The following ZHX3 variants were observed in gnomAD, a reference collection of about 807,000 sequenced individuals.
ZHX3 encodes zinc fingers and homeoboxes protein 3.
Under a neutral mutation model 64.5 loss-of-function variants are expected in ZHX3, and 20 were observed. The ratio of observed to expected loss-of-function variants is 0.31; its 90% CI spans 0.22 to 0.45. The LOEUF (loss-of-function observed/expected upper bound fraction) is 0.45, where lower values mean the gene tolerates loss of function less well. Among genes scored for constraint, ZHX3 ranks in the 20% least tolerant of loss-of-function variants. The probability of loss-of-function intolerance (pLI) is 1.00; values close to 1 mark genes in which losing one functional copy is unlikely to be tolerated. For synonymous variants in ZHX3, 423 were observed against 461.6 expected (o/e 0.92, Z 1.07); for missense variants, 1,041 against 1,195.8 (o/e 0.87, Z 1.91).
At chr20:41,316,468 C>A (rs6102351) in intron 1 of ZHX3, among the ~76,000 whole-genome samples, 3,265 of 152,190 alleles carry the variant, frequency 0.021, 107 homozygotes, top group African/African-American at 0.074. Flanking sequence ...TAAGTTACCA[C>A]AAATAAAGAG....
In ZHX3 at chr20:41,201,218, G is replaced by T; in HGVS notation, c.2860+839C>A. The T allele has an allele frequency of 9.0e-7, 1 of 1,111,310 alleles. No individual in the cohort carries two copies. The highest frequency in any genetic ancestry group is 1.6e-5 in the African/African-American group (1 of 60,706). The allele number at this position is 1,111,310 out of a possible 1,614,324, so 68.8% of individuals were successfully genotyped here. On this transcript the variant is annotated intron_variant, in intron 3 of 3. Transcript: ENST00000683867. The surrounding 1 kb of genome is among the most constrained non-coding windows in gnomAD (Gnocchi z 5.0). Reference sequence around the variant, plus strand: ...CCCTCCCACATTGCCAACTCAGCTAGCAATGCTGCCATTTTGGAACCCCCA... The same window carrying T: ...CCCTCCCACATTGCCAACTCAGCTATCAATGCTGCCATTTTGGAACCCCCA...
chr20:41,307,140 C>T (rs1224326915), intron 1 of ZHX3, among the ~76,000 whole-genome samples: 1 of 152,198 alleles, frequency 6.6e-6, no homozygotes, highest in Non-Finnish European at 1.5e-5. Context: ...GCAGAAAGAG[C>T]CACTCTGGAC....
intron 1 of ZHX3, among the ~76,000 whole-genome samples, chr20:41,270,902 CTCA>C (rs1374085838): frequency 6.6e-6 from 1 of 152,120 alleles, no homozygotes; most frequent in Non-Finnish European, 1.5e-5. Flanking sequence ...TACCTTAAAC[CTCA>C]TCTTTGCTTA....
At chr20:41,197,411 T>G (rs949834811) in intron 3 of ZHX3, among the ~76,000 whole-genome samples, 1 of 147,588 alleles carries the variant, frequency 6.8e-6, no homozygotes, top group African/African-American at 2.5e-5. Context: ...TATATAATTG[T>G]ATATATTTAA....
intron 2 of ZHX3, among the ~76,000 whole-genome samples, chr20:41,246,575 T>G (rs1463545270): frequency 6.6e-6 from 1 of 152,112 alleles, no homozygotes; most frequent in African/African-American, 2.4e-5. Flanking sequence ...TGTATTAGCA[T>G]TAATACTAAT....
At chr20:41,217,331 G>A (rs2039599169) in intron 2 of ZHX3, among the ~76,000 whole-genome samples, 1 of 151,984 alleles carries the variant, frequency 6.6e-6, no homozygotes, top group Non-Finnish European at 1.5e-5. Flanking sequence ...ATTTGACCAT[G>A]AACTTATAAT....
At chr20:41,216,330 G>A (rs958672933) in intron 2 of ZHX3, among the ~76,000 whole-genome samples, 76 of 151,726 alleles carry the variant, frequency 5.0e-4, no homozygotes, top group African/African-American at 1.7e-3. Context: ...TTTCTCTCTC[G>A]GAAAGAAAGA....
rs572162416 is a variant in ZHX3, at chr20:41,183,137, C to T, written c.*2054G>A. The T allele has an allele frequency of 2.0e-5, 3 of 152,208 alleles. No homozygotes were observed. Among genetic ancestry groups the T allele is most frequent in the Non-Finnish European group, 2.9e-5 (2 of 68,032 alleles). 9.4% of individuals were successfully genotyped at this position (152,208 alleles called of 1,614,324 possible). The stretch of plus-strand genomic sequence containing the variant: ...TTCTCAACTGCACACGCCAGATGCG[C>T]GTTTTACGAGAATCAAATGAGTATT... On this transcript the variant is annotated 3_prime_UTR_variant, in exon 4 of 4. Coordinates refer to ENST00000683867, the MANE Select transcript of ZHX3 (RefSeq NM_001384317.1). The surrounding 1 kb of genome is among the most constrained non-coding windows in gnomAD (Gnocchi z 5.3).
At chr20:41,207,064 AAGG>A (rs1276319040) in intron 2 of ZHX3, among the ~76,000 whole-genome samples, 1 of 152,230 alleles carries the variant, frequency 6.6e-6, no homozygotes, top group African/African-American at 2.4e-5. Flanking sequence ...TTCATAAGTG[AAGG>A]AGAAATAAAA....
In ZHX3 at chr20:41,277,692, T is replaced by C. The variant is rs541451217; in HGVS notation, c.-244-8609A>G. 6.5e-4 allele frequency among the ~76,000 whole-genome samples: 98 copies of C among 149,954 alleles called. 1 individual carries two copies. The South Asian group carries it at 0.011, about 17-fold the overall frequency. ...CTGCAAGCTCCGCCTCCCGGGTTCA[T>C]GCCATTCTCCTGCCTCAGCCTCCTG... On this transcript the variant is annotated intron_variant, in intron 1 of 3. Coordinates refer to ENST00000683867, the MANE Select transcript of ZHX3 (RefSeq NM_001384317.1).
At chr20:41,187,971 T>C (rs1488153273) in intron 3 of ZHX3, among the ~76,000 whole-genome samples, 1 of 152,214 alleles carries the variant, frequency 6.6e-6, no homozygotes, top group African/African-American at 2.4e-5. Context: ...ATGTTGTTGC[T>C]AACCATAGTC....
At chr20:41,198,747 A>C (rs2037973873) in intron 3 of ZHX3, among the ~76,000 whole-genome samples, 1 of 151,534 alleles carries the variant, frequency 6.6e-6, no homozygotes, top group Admixed American at 6.6e-5. Context: ...AGATTTGGGA[A>C]ATTTTCTATC....
At chr20:41,258,210 T>A (rs558616240) in intron 2 of ZHX3, among the ~76,000 whole-genome samples, 6 of 152,186 alleles carry the variant, frequency 3.9e-5, no homozygotes, top group Admixed American at 3.3e-4. Context: ...AAGATTTCTT[T>A]TAAAAAATCA....
chr20:41,248,486 A>C (rs2041824293), intron 2 of ZHX3, among the ~76,000 whole-genome samples: 1 of 152,240 alleles, frequency 6.6e-6, no homozygotes, highest in Non-Finnish European at 1.5e-5. Flanking sequence ...GATACATGCT[A>C]TACAACACAG....
intron 1 of ZHX3, among the ~76,000 whole-genome samples, chr20:41,295,119 A>C (rs2044441582): frequency 6.6e-6 from 1 of 152,142 alleles, no homozygotes; most frequent in Non-Finnish European, 1.5e-5. Context: ...AGAGTTGCTC[A>C]TTCCACTCCC....
intron 3 of ZHX3, among the ~76,000 whole-genome samples, chr20:41,194,724 T>A (rs1460965113): frequency 6.6e-6 from 1 of 152,216 alleles, no homozygotes; most frequent in Non-Finnish European, 1.5e-5. Context: ...GATAACAATC[T>A]TCTTACCAGT....
intron 1 of ZHX3, among the ~76,000 whole-genome samples, chr20:41,299,115 G>A (rs2044683613): frequency 6.6e-6 from 1 of 152,186 alleles, no homozygotes; most frequent in East Asian, 1.9e-4. Context: ...GCTCCTATGT[G>A]CCAGCATTTC....
chr20:41,197,356 AAT>A (rs1490241397), intron 3 of ZHX3, among the ~76,000 whole-genome samples: 2 of 145,028 alleles, frequency 1.4e-5, no homozygotes, highest in African/African-American at 2.5e-5. Context: ...ATATATTTAA[AAT>A]ATATATTTTA....
At chr20:41,310,499 G>A (rs1176153994) in intron 1 of ZHX3, among the ~76,000 whole-genome samples, 1 of 152,134 alleles carries the variant, frequency 6.6e-6, no homozygotes, top group Non-Finnish European at 1.5e-5. Flanking sequence ...AGCCCATTAT[G>A]CTTAAACTGA....
Sources: allele counts gnomAD v4.1 joint callset (sites outside exome capture counted in the v4.1 genomes callset), GRCh38; gene constraint gnomAD v4.1.1; non-coding constraint Gnocchi (gnomAD v3.1); transcripts MANE v1.5; gene names NCBI Gene and HGNC (gene_info 2026-07-23, HGNC 2026-07-21).